KCNH1: variants seen among roughly 807,000 people sequenced by gnomAD.
KCNH1 encodes voltage-gated delayed rectifier potassium channel KCNH1.
Under a neutral mutation model 69.2 loss-of-function variants are expected in KCNH1, and 27 were observed. The ratio of observed to expected loss-of-function variants is 0.39; its 90% CI spans 0.29 to 0.54. The LOEUF is 0.54. Among genes scored for constraint, KCNH1 ranks in the 20% least tolerant of loss-of-function variants. The pLI is 0.68. For missense variants in KCNH1, 798 were observed against 1,261.6 expected (o/e 0.63, Z 5.57); for synonymous variants, 456 against 487.7 (o/e 0.93, Z 0.86).
intron 7 of KCNH1, among the ~76,000 whole-genome samples, chr1:210,904,372 C>T (rs979208109): frequency 1.3e-5 from 2 of 152,100 alleles, no homozygotes; most frequent in Admixed American, 1.3e-4. Context: ...CTTCCCCACC[C>T]CCACCACTCC....
At position 211,112,994 on chromosome 1, in the gene KCNH1, A is replaced by G. The variant is rs12089911; in HGVS notation, c.80-5617T>C. On this transcript the variant is annotated intron_variant, in intron 1 of 10. Coordinates refer to ENST00000271751, the MANE Select transcript of KCNH1 (RefSeq NM_172362.3). ...ATCATTAGGAATTAAGGGATTCCAC[A>G]TAAGTGAGATTTTAGATATTAATAA... Among the ~76,000 whole-genome samples, 1,308 of 152,360 alleles carry G rather than the reference A, an allele frequency of 8.6e-3. 17 individuals carry two copies. The highest frequency in any genetic ancestry group is 0.029 in the African/African-American group (1,215 of 41,594).
chr1:211,095,098 A>C (rs1290983689), intron 3 of KCNH1, among the ~76,000 whole-genome samples: 2 of 152,178 alleles, frequency 1.3e-5, no homozygotes, highest in African/African-American at 4.8e-5. Context: ...CTAGAACCCA[A>C]ATTCTGCAGC....
intron 7 of KCNH1, among the ~76,000 whole-genome samples, chr1:210,887,218 A>G (rs896175505): frequency 1.3e-5 from 2 of 152,190 alleles, no homozygotes; most frequent in African/African-American, 4.8e-5. Flanking sequence ...CATACAAGCT[A>G]GAAGAGAGTG....
At chr1:210,811,955 C>T (rs1365731536) in intron 7 of KCNH1, among the ~76,000 whole-genome samples, 1 of 152,122 alleles carries the variant, frequency 6.6e-6, no homozygotes, top group Non-Finnish European at 1.5e-5. Context: ...AGCCTTTAAA[C>T]CCATTCTGGG....
intron 6 of KCNH1, among the ~76,000 whole-genome samples, chr1:210,958,532 A>T (rs1688227026): frequency 6.6e-6 from 1 of 152,132 alleles, no homozygotes; most frequent in Non-Finnish European, 1.5e-5. Flanking sequence ...TCTCCCCATC[A>T]CTTTCAGGTA....
intron 5 of KCNH1, among the ~76,000 whole-genome samples, chr1:211,021,433 C>T (rs565202433): frequency 1.4e-4 from 22 of 152,182 alleles, no homozygotes; most frequent in Admixed American, 2.6e-4. Context: ...CCCATTTTCA[C>T]CACTGTTATT....
intron 10 of KCNH1, among the ~76,000 whole-genome samples, chr1:210,740,512 A>C (rs1023753342): frequency 1.3e-5 from 2 of 151,816 alleles, no homozygotes; most frequent in Admixed American, 1.3e-4. Flanking sequence ...CTAGATTCTC[A>C]GTCTTATACT....
intron 9 of KCNH1, among the ~76,000 whole-genome samples, chr1:210,796,578 C>A (rs1244343330): frequency 6.6e-6 from 1 of 152,186 alleles, no homozygotes; most frequent in African/African-American, 2.4e-5. Flanking sequence ...CCTCCTCCCA[C>A]ATTCTCTATT....
rs540452366 is a variant in KCNH1, at chr1:210,768,048, C to T, written c.2112+7300G>A. On this transcript the variant is annotated intron_variant, in intron 10 of 10. Coordinates refer to ENST00000271751, the MANE Select transcript of KCNH1 (RefSeq NM_172362.3). ...TGGATCTCTAGGGCTACTTGAGGGG[C>T]CCAGGCTCAAATTTTAGAATTTTCT... Among the ~76,000 whole-genome samples the T allele has an allele frequency of 1.5e-4, 23 of 152,246 alleles. 1 individual carries two copies. The South Asian group carries it at 4.4e-3, about 29-fold the overall frequency.
chr1:211,108,067 T>C (rs1691391406), intron 1 of KCNH1, among the ~76,000 whole-genome samples: 1 of 152,226 alleles, frequency 6.6e-6, no homozygotes. Flanking sequence ...TTTGGGGCTC[T>C]GTCACAGAGC....
chr1:210,991,651 C>T (rs1013524858), intron 6 of KCNH1, among the ~76,000 whole-genome samples: 3 of 151,616 alleles, frequency 2.0e-5, no homozygotes, highest in East Asian at 3.9e-4. Context: ...TACACACATA[C>T]ACACCAGAAA....
intron 7 of KCNH1, among the ~76,000 whole-genome samples, chr1:210,898,777 T>C (rs950671496): frequency 2.6e-5 from 4 of 152,126 alleles, no homozygotes; most frequent in African/African-American, 9.7e-5. Flanking sequence ...AAATGCTCTT[T>C]CTCCTGTATC....
intron 5 of KCNH1, among the ~76,000 whole-genome samples, chr1:211,062,290 A>G (rs1318847677): frequency 6.6e-6 from 1 of 152,180 alleles, no homozygotes; most frequent in Non-Finnish European, 1.5e-5. Context: ...TTAGACCCCT[A>G]TCTTGCACCC....
intron 5 of KCNH1, among the ~76,000 whole-genome samples, chr1:211,044,837 A>G (rs942600889): frequency 6.6e-6 from 1 of 151,932 alleles, no homozygotes; most frequent in Non-Finnish European, 1.5e-5. Flanking sequence ...CATGGAAAAC[A>G]GTGTGGAGAT....
At chr1:211,040,271 C>T (rs990606931) in intron 5 of KCNH1, among the ~76,000 whole-genome samples, 24 of 151,620 alleles carry the variant, frequency 1.6e-4, no homozygotes, top group Admixed American at 5.2e-4. Context: ...AGACTTGGAG[C>T]GGCCAGGAGC....
At chr1:210,785,481 G>A (rs1281046655) in intron 9 of KCNH1, among the ~76,000 whole-genome samples, 2 of 150,264 alleles carry the variant, frequency 1.3e-5, no homozygotes, top group East Asian at 2.0e-4. Flanking sequence ...CGCAACCTCC[G>A]CCTCCTGGGT....
intron 7 of KCNH1, among the ~76,000 whole-genome samples, chr1:210,880,109 G>T (rs1574313867): frequency 1.3e-5 from 2 of 151,978 alleles, no homozygotes; most frequent in African/African-American, 4.8e-5. Flanking sequence ...AAATAGAGAG[G>T]CAGTCCATGT....
chr1:210,933,455 T>C (rs1687717446), intron 6 of KCNH1, among the ~76,000 whole-genome samples: 1 of 152,016 alleles, frequency 6.6e-6, no homozygotes, highest in African/African-American at 2.4e-5. Flanking sequence ...ATGGCACATG[T>C]ATACATATGT....
At chr1:210,954,704 T>G (rs1174124245) in intron 6 of KCNH1, among the ~76,000 whole-genome samples, 1 of 152,254 alleles carries the variant, frequency 6.6e-6, no homozygotes, top group African/African-American at 2.4e-5. Flanking sequence ...AAATGTCTTC[T>G]TTTCAGAAGT....
Sources: allele counts gnomAD v4.1 joint callset (sites outside exome capture counted in the v4.1 genomes callset), GRCh38; gene constraint gnomAD v4.1.1; transcripts MANE v1.5; gene names NCBI Gene and HGNC (gene_info 2026-07-23, HGNC 2026-07-21).